SIPA1L3: variants seen among roughly 807,000 people sequenced by gnomAD.
SIPA1L3 encodes signal induced proliferation associated 1 like 3, also known as signal-induced proliferation-associated 1-like protein 3.
A neutral mutation model predicts 150.1 loss-of-function variants in SIPA1L3; 59 were observed. The ratio of observed to expected loss-of-function variants is 0.39; its 90% CI spans 0.32 to 0.49. The LOEUF is 0.49. Ranked by LOEUF, SIPA1L3 falls within the 20% of genes least tolerant of loss-of-function variation. The pLI is 0.86. For missense variants in SIPA1L3, 2,211 were observed against 2,489.5 expected (o/e 0.89, Z 2.38); for synonymous variants, 1,070 against 1,077.6 (o/e 0.99, Z 0.14).
At chr19:38,037,380 A>G (rs1407107791) in intron 2 of SIPA1L3, among the ~76,000 whole-genome samples, 1 of 152,182 alleles carries the variant, frequency 6.6e-6, no homozygotes, top group Non-Finnish European at 1.5e-5. Flanking sequence ...AGGGAACCGC[A>G]TCAGCAGAGC....
At chr19:37,992,255 A>G (rs934217078) in intron 1 of SIPA1L3, among the ~76,000 whole-genome samples, 5 of 152,218 alleles carry the variant, frequency 3.3e-5, no homozygotes, top group African/African-American at 1.2e-4. Flanking sequence ...CTGGCACTCA[A>G]GGTAAGTAAG....
At chr19:38,006,768 C>A (rs1375358990) in intron 1 of SIPA1L3, among the ~76,000 whole-genome samples, 1 of 152,174 alleles carries the variant, frequency 6.6e-6, no homozygotes. Context: ...CGGGCACACA[C>A]CCACCTTTCA....
chr19:37,986,410 G>A (rs374614834), intron 1 of SIPA1L3, among the ~76,000 whole-genome samples: 1 of 152,150 alleles, frequency 6.6e-6, no homozygotes, highest in Non-Finnish European at 1.5e-5. Flanking sequence ...ACTTGCATTC[G>A]ACTTCTGTTT....
In SIPA1L3 at chr19:37,916,178, C is replaced by G. The variant is rs566135270; in HGVS notation, c.-379+8820C>G. The stretch of plus-strand genomic sequence containing the variant: ...AGTAGCTGGGATTACAGGCGCCCAC[C>G]ACCACACCCGGCTAATTTTTATATT... On this transcript the variant is annotated intron_variant, in intron 1 of 21. Coordinates refer to ENST00000222345, the MANE Select transcript of SIPA1L3 (RefSeq NM_015073.3). Among the ~76,000 whole-genome samples the G allele has an allele frequency of 1.1e-3, 174 of 151,966 alleles. 1 individual carries two copies. The highest frequency in any genetic ancestry group is 3.5e-3 in the African/African-American group (144 of 41,438).
At chr19:38,124,580 C>T (rs534921713) in intron 9 of SIPA1L3, among the ~76,000 whole-genome samples, 70 of 151,780 alleles carry the variant, frequency 4.6e-4, no homozygotes, top group Middle Eastern at 3.4e-3. Flanking sequence ...CAGAGACGCT[C>T]CTCACTTCCC....
intron 1 of SIPA1L3, among the ~76,000 whole-genome samples, chr19:38,018,766 A>G (rs1010700323): frequency 2.6e-5 from 4 of 152,102 alleles, no homozygotes; most frequent in African/African-American, 9.7e-5. Context: ...CTGAACTTAT[A>G]TATGTACCTG....
At chr19:38,171,961 C>T (rs1972338131) in intron 15 of SIPA1L3, among the ~76,000 whole-genome samples, 1 of 152,030 alleles carries the variant, frequency 6.6e-6, no homozygotes, top group Non-Finnish European at 1.5e-5. Context: ...CAGCAGTGGC[C>T]AGAACATTCA....
At chr19:37,940,554 T>C (rs2046645055) in intron 1 of SIPA1L3, among the ~76,000 whole-genome samples, 3 of 152,132 alleles carry the variant, frequency 2.0e-5, no homozygotes, top group Admixed American at 2.0e-4. Flanking sequence ...CTTTCTAGAA[T>C]TGGTTTGTTC....
chr19:38,032,567 G>A (rs543583314), intron 2 of SIPA1L3, among the ~76,000 whole-genome samples: 6 of 152,310 alleles, frequency 3.9e-5, no homozygotes, highest in Admixed American at 6.5e-5. Context: ...GGCTGGGCAT[G>A]GTGGCTCACA....
chr19:37,991,716 T>C (rs1247891562), intron 1 of SIPA1L3, among the ~76,000 whole-genome samples: 1 of 152,214 alleles, frequency 6.6e-6, no homozygotes, highest in Non-Finnish European at 1.5e-5. Flanking sequence ...AAGACAGCCC[T>C]GTGACGGTGA....
chr19:38,193,828 G>A (rs769060482), intron 18 of SIPA1L3, 48 bp downstream of exon 18: 1 of 1,488,928 alleles, frequency 6.7e-7, no homozygotes. Flanking sequence ...CCCAAGGTTG[G>A]GAGGTGGGGA....
rs1004779521 is a variant in SIPA1L3 at position 38,083,016 on chromosome 19, G to A, written c.1451G>A (p.Arg484Gln). ...SVLEVPKEQQRTQSRPRQYSI... is the reference protein window; with the variant it reads ...SVLEVPKEQQQTQSRPRQYSI... ...TTGGAAGTTCCCAAGGAGCAGCAGC[G>A]GACGCAGAGTCGGCCCCGGCAGTAC... Residue 484 changes from arginine (R) to glutamine (Q), a missense_variant, in exon 3 of 22, where the codon CGG becomes CAG. Transcript: ENST00000222345. 23 of 1,613,172 alleles carry A rather than the reference G, an allele frequency of 1.4e-5. No individual in the cohort carries two copies. The highest frequency in any genetic ancestry group is 6.7e-5 in the Admixed American group (4 of 60,008).
chr19:37,950,958 C>T (rs549187052), intron 1 of SIPA1L3, among the ~76,000 whole-genome samples: 5 of 152,364 alleles, frequency 3.3e-5, no homozygotes, highest in African/African-American at 9.6e-5. Flanking sequence ...CATCTGCTCC[C>T]GCAGGTGGAG....
At chr19:37,936,509 GT>G (rs2046601859) in intron 1 of SIPA1L3, among the ~76,000 whole-genome samples, 1 of 152,240 alleles carries the variant, frequency 6.6e-6, no homozygotes, top group Admixed American at 6.5e-5. Context: ...TTCGAAGTTA[GT>G]CTAATGATAA....
Position 38,162,275 on chromosome 19 carries a change from C to T in SIPA1L3, c.3684C>T (p.Ala1228=), listed in dbSNP as rs761561940. 3 of 1,614,212 alleles carry T rather than the reference C, an allele frequency of 1.9e-6. No individual in the cohort carries two copies. The South Asian group carries it at 3.3e-5, about 18-fold the overall frequency. The change falls in exon 14 of 22, where the codon GCC becomes GCT. Residue 1228 remains alanine (A), a synonymous_variant. Coordinates refer to ENST00000222345, the MANE Select transcript of SIPA1L3 (RefSeq NM_015073.3). ...QKPEPLWHVP[A]QARLSAIAGS... is the part of the protein sequence containing the mutation. ...CAGAGCCTTTGTGGCATGTGCCTGC[C>T]CAGGCCAGGCTCTCAGCCATAGCCG...
intron 2 of SIPA1L3, among the ~76,000 whole-genome samples, chr19:38,077,661 CTTTTTT>C (rs58788182): frequency 0.26 from 17,178 of 65,406 alleles, 1,476 homozygotes; most frequent in Middle Eastern, 0.36. Flanking sequence ...TTTTCTTTTT[CTTTTTT>C]TTTTTTTTTT....
Position 38,006,697 on chromosome 19 carries a change from G to T in SIPA1L3, c.-378-22392G>T, listed in dbSNP as rs188001398. 9.7e-4 allele frequency among the ~76,000 whole-genome samples: 148 copies of T among 152,334 alleles called. 2 individuals carry two copies. In the East Asian group the frequency reaches 0.019, roughly 20 times the overall value. On this transcript the variant is annotated intron_variant, in intron 1 of 21. Coordinates refer to ENST00000222345, the MANE Select transcript of SIPA1L3 (RefSeq NM_015073.3). ...GGGCATCCAGGCTTCTCCGGAGCTA[G>T]TGGGAGGGAAAGCAGAACTGTCGCT...
intron 4 of SIPA1L3, 76 bp downstream of exon 4, chr19:38,088,927 G>A (rs1970201638): frequency 2.7e-6 from 4 of 1,499,602 alleles, no homozygotes; most frequent in Admixed American, 1.8e-5. Flanking sequence ...GGGGGCAAAC[G>A]CTTCCCCAGC....
At chr19:37,924,852 C>T (rs1189981509) in intron 1 of SIPA1L3, among the ~76,000 whole-genome samples, 1 of 151,870 alleles carries the variant, frequency 6.6e-6, no homozygotes, top group Non-Finnish European at 1.5e-5. Flanking sequence ...AGTTCTAGAC[C>T]AGCCTGGCCC....
Sources: gnomAD v4.1 joint callset for allele counts (sites outside exome capture counted in the v4.1 genomes callset) on GRCh38, gnomAD v4.1.1 for gene constraint, MANE v1.5 for transcripts, NCBI Gene and HGNC (gene_info 2026-07-23, HGNC 2026-07-21) for gene names.